LIN52: variants seen among roughly 807,000 people sequenced by gnomAD.
LIN52 encodes the protein protein lin-52 homolog.
In LIN52, 4 loss-of-function variants were observed where a neutral mutation model predicts 18.5. The ratio of observed to expected loss-of-function variants is 0.22; its 90% CI spans 0.11 to 0.49. The LOEUF is 0.49. Among genes scored for constraint, LIN52 ranks in the 20% least tolerant of loss-of-function variants. LIN52 has a pLI of 0.97. For synonymous variants in LIN52, 34 were observed against 45.5 expected (o/e 0.75, Z 1.02); for missense variants, 102 against 139.5 (o/e 0.73, Z 1.35).
At chr14:74,130,345 C>G (rs1468375904) in intron 5 of LIN52, among the ~76,000 whole-genome samples, 1 of 126,902 alleles carries the variant, frequency 7.9e-6, no homozygotes. Context: ...GCTCAGCTCA[C>G]TGCAACTCTG....
chr14:74,185,435 C>T (rs1335755454), intron 5 of LIN52, among the ~76,000 whole-genome samples: 2 of 149,958 alleles, frequency 1.3e-5, no homozygotes, highest in Admixed American at 6.7e-5. Context: ...CTGCCTCAGC[C>T]TCCCGGTTAG....
intron 5 of LIN52, among the ~76,000 whole-genome samples, chr14:74,150,193 G>A (rs903482019): frequency 2.6e-5 from 4 of 152,022 alleles, no homozygotes; most frequent in Admixed American, 1.3e-4. Context: ...TTTGTGTGCC[G>A]AAAGATAAAG....
chr14:74,189,568 T>C (rs2061354894), intron 5 of LIN52, among the ~76,000 whole-genome samples: 1 of 152,236 alleles, frequency 6.6e-6, no homozygotes, highest in South Asian at 2.1e-4. Context: ...AGAAGGATGA[T>C]AAGAATACAT....
chr14:74,163,933 G>A (rs2061237130), intron 5 of LIN52, among the ~76,000 whole-genome samples: 1 of 151,716 alleles, frequency 6.6e-6, no homozygotes, highest in African/African-American at 2.4e-5. Flanking sequence ...AAACACAATG[G>A]TTACTCAACC....
intron 5 of LIN52, among the ~76,000 whole-genome samples, chr14:74,152,254 C>A (rs2061179581): frequency 7.1e-6 from 1 of 140,358 alleles, no homozygotes; most frequent in African/African-American, 2.7e-5. Flanking sequence ...CAGAGCAAAC[C>A]TCCATCTCAA....
intron 5 of LIN52, among the ~76,000 whole-genome samples, chr14:74,169,320 T>G (rs934113249): frequency 2.0e-5 from 3 of 152,208 alleles, no homozygotes; most frequent in African/African-American, 7.2e-5. Context: ...CTTTTGTCTC[T>G]TTTCTCCTCC....
At chr14:74,128,489 A>G (rs888547769) in intron 5 of LIN52, among the ~76,000 whole-genome samples, 3 of 152,226 alleles carry the variant, frequency 2.0e-5, no homozygotes, top group Non-Finnish European at 4.4e-5. Flanking sequence ...GCCTACTCCC[A>G]CTGGACTGGA....
In LIN52 at chr14:74,084,992, C is replaced by G. The variant is rs762262040; in HGVS notation, c.18C>G (p.Asp6Glu). The G allele has an allele frequency of 7.1e-7, 1 of 1,411,122 alleles. No individual in the cohort carries two copies. Among genetic ancestry groups the G allele is most frequent in the Admixed American group, 2.8e-5 (1 of 35,534 alleles). The allele number at this position is 1,411,122 out of a possible 1,614,324, so 87.4% of individuals were successfully genotyped here. The change falls in exon 1 of 6, where the codon GAC (aspartate) becomes GAG (glutamate). Residue 6 changes from aspartate to glutamate, a missense_variant and splice_region_variant. Coordinates refer to ENST00000555028, the MANE Select transcript of LIN52 (RefSeq NM_001024674.3). MASPT[D>E]GTDLEASLLS... Reference sequence around the variant, plus strand: ...GTTGGAAGATGGCGTCTCCCACAGACGGTAAGAGCCGGCTTAGAGATCTTT... The same window carrying G: ...GTTGGAAGATGGCGTCTCCCACAGAGGGTAAGAGCCGGCTTAGAGATCTTT...
At chr14:74,172,205 T>C (rs1254733724) in intron 5 of LIN52, among the ~76,000 whole-genome samples, 1 of 152,208 alleles carries the variant, frequency 6.6e-6, no homozygotes, top group South Asian at 2.1e-4. Flanking sequence ...TATATTATAA[T>C]GGTATATGTA....
At chr14:74,104,603 T>A (rs929927164) in intron 5 of LIN52, among the ~76,000 whole-genome samples, 2 of 151,866 alleles carry the variant, frequency 1.3e-5, no homozygotes, top group Non-Finnish European at 2.9e-5. Flanking sequence ...TTTTTTTTTT[T>A]AATTTTGATA....
At chr14:74,189,561 A>G (rs2061354856) in intron 5 of LIN52, among the ~76,000 whole-genome samples, 1 of 152,232 alleles carries the variant, frequency 6.6e-6, no homozygotes. Flanking sequence ...AGTAGGAAGA[A>G]GGATGATAAG....
chr14:74,199,081 G>A lies in LIN52; in HGVS notation c.*104G>A, dbSNP rs2078932043. The A allele has an allele frequency of 1.2e-6, 1 of 811,040 alleles. No homozygotes were observed. The highest frequency in any genetic ancestry group is 1.9e-5 in the Admixed American group (1 of 52,494). The allele number at this position is 811,040 out of a possible 1,614,324, so 50.2% of individuals were successfully genotyped here. On this transcript the variant is annotated 3_prime_UTR_variant, in exon 6 of 6. Coordinates refer to ENST00000555028, the MANE Select transcript of LIN52 (RefSeq NM_001024674.3). ...CTGCTTGCTTGGGAGAGGCCAGAGG[G>A]TGTACCTCCAGGACTGCCCTCTCCC...
chr14:74,171,892 C>T (rs557368282), intron 5 of LIN52, among the ~76,000 whole-genome samples: 56 of 152,068 alleles, frequency 3.7e-4, no homozygotes, highest in Non-Finnish European at 7.3e-4. Context: ...GCATGCGCCA[C>T]CAAACCTGGC....
chr14:74,196,096 G>A (rs2078911138), intron 5 of LIN52, among the ~76,000 whole-genome samples: 1 of 152,160 alleles, frequency 6.6e-6, no homozygotes, highest in South Asian at 2.1e-4. Flanking sequence ...CTCCCATGTA[G>A]GAGATGATGT....
intron 5 of LIN52, among the ~76,000 whole-genome samples, chr14:74,123,637 G>A (rs776144813): frequency 2.6e-5 from 4 of 152,148 alleles, no homozygotes; most frequent in Admixed American, 6.5e-5. Flanking sequence ...TAGAACCGTG[G>A]TGTGGTAGGC....
At chr14:74,103,427 A>ATTTTTTT (rs11347849) in intron 5 of LIN52, among the ~76,000 whole-genome samples, 1 of 88,576 alleles carries the variant, frequency 1.1e-5, no homozygotes, top group Non-Finnish European at 2.2e-5. Context: ...AAAATGTAAG[A>ATTTTTTT]TTTTTTTTTT....
At chr14:74,122,153 C>T (rs58718979) in intron 5 of LIN52, among the ~76,000 whole-genome samples, 2,404 of 152,106 alleles carry the variant, frequency 0.016, 61 homozygotes, top group African/African-American at 0.054. Flanking sequence ...TATTGCTAAA[C>T]GGAACTGTAG....
rs1432196428 is a variant in LIN52, at chr14:74,097,429, T to TC, written c.133-365_133-364insC. On this transcript the variant is annotated intron_variant, in intron 3 of 5. Coordinates refer to ENST00000555028, the MANE Select transcript of LIN52 (RefSeq NM_001024674.3). ...CAAGCTGCATTTTTTCTTTTTCTTT[T>TC]TTTTTTTTTTTTTTGAGACAGAGTA... 1.6e-4 allele frequency among the ~76,000 whole-genome samples: 16 copies of TC among 99,998 alleles called. No homozygotes were observed. The East Asian group carries it at 5.3e-3, about 33-fold the overall frequency. 65.6% of individuals were successfully genotyped at this position (99,998 alleles called of 152,430 possible).
chr14:74,098,332 A>G (rs2060829138), intron 4 of LIN52, among the ~76,000 whole-genome samples: 1 of 152,136 alleles, frequency 6.6e-6, no homozygotes, highest in Admixed American at 6.5e-5. Context: ...CAGACTGACC[A>G]ATATAACGAA....
Sources: gnomAD v4.1 joint callset for allele counts (sites outside exome capture counted in the v4.1 genomes callset) on GRCh38, gnomAD v4.1.1 for gene constraint, MANE v1.5 for transcripts, NCBI Gene and HGNC (gene_info 2026-07-23, HGNC 2026-07-21) for gene names.